The following KDELR2 variants were observed in gnomAD, a reference collection of about 807,000 sequenced individuals.
KDELR2 encodes KDEL endoplasmic reticulum protein retention receptor 2.
Under a neutral mutation model 23.9 loss-of-function variants are expected in KDELR2, and 15 were observed. That is an observed-to-expected ratio of 0.63 (90% CI 0.42 to 0.97). The LOEUF (loss-of-function observed/expected upper bound fraction) is 0.97. Ranked by LOEUF, KDELR2 falls within the 50% of genes least tolerant of loss-of-function variation. KDELR2 has a pLI of 0.00. For missense variants in KDELR2, 272 were observed against 254.6 expected, an observed-to-expected ratio of 1.07 and a Z score of -0.46; for synonymous variants, 119 against 106.2, an observed-to-expected ratio of 1.12 and a Z score of -0.74.
intron 1 of KDELR2, among the ~76,000 whole-genome samples, chr7:6,476,556 A>G (rs1387312711): frequency 6.6e-6 from 1 of 152,164 alleles, no homozygotes; most frequent in Non-Finnish European, 1.5e-5. Flanking sequence ...AAGTAGGTGA[A>G]TTTTGTGGGA....
Position 6,481,728 on chromosome 7 carries a change from T to TAAAC in KDELR2, c.91+2235_91+2238dup, listed in dbSNP as rs368614334. 8.6e-3 allele frequency among the ~76,000 whole-genome samples: 1,309 copies of TAAAC among 152,072 alleles called. 22 individuals carry two copies. The highest frequency in any genetic ancestry group is 0.022 in the African/African-American group (915 of 41,438). ...GAGTGAGACATCGGTCCCACTGTTT[T>TAAAC]AAACAAACAAACAAACAAACAAACA... On this transcript the variant is annotated intron_variant, in intron 1 of 4. Coordinates refer to ENST00000258739, the MANE Select transcript of KDELR2 (RefSeq NM_006854.4).
At chr7:6,481,082 A>C (rs559944972) in intron 1 of KDELR2, among the ~76,000 whole-genome samples, 1 of 152,238 alleles carries the variant, frequency 6.6e-6, no homozygotes, top group African/African-American at 2.4e-5. Context: ...AATAGTAAAA[A>C]ACAAACGGCC....
chr7:6,478,505 C>T (rs184457221), intron 1 of KDELR2, among the ~76,000 whole-genome samples: 121 of 152,140 alleles, frequency 8.0e-4, no homozygotes, highest in South Asian at 7.7e-3. Flanking sequence ...ATTGGTCTTT[C>T]GTTATTCTTC....
Position 6,484,099 on chromosome 7 carries a change from G to C in KDELR2, c.-42C>G, listed in dbSNP as rs1474030425. 2.2e-6 allele frequency: 3 copies of C among 1,337,808 alleles called. No individual in the cohort carries two copies. The highest frequency in any genetic ancestry group is 2.9e-6 in the Non-Finnish European group (3 of 1,035,142). 82.9% of individuals were successfully genotyped at this position (1,337,808 alleles called of 1,614,324 possible). On this transcript the variant is annotated 5_prime_UTR_variant, in exon 1 of 5. Transcript: ENST00000258739. ...GCGGTCGGCGCAGCGCGGCGGCCCC[G>C]GGGCTGGGCGGCTCAGGAGGCGGCG...
intron 1 of KDELR2, among the ~76,000 whole-genome samples, chr7:6,478,077 A>G (rs1452009634): frequency 2.0e-5 from 3 of 152,132 alleles, no homozygotes; most frequent in African/African-American, 7.2e-5. Flanking sequence ...ACGAAATGCA[A>G]AGACCCTTTC....
At chr7:6,464,999 G>C (rs770323013) in intron 4 of KDELR2, among the ~76,000 whole-genome samples, 24 of 151,888 alleles carry the variant, frequency 1.6e-4, no homozygotes, top group Non-Finnish European at 2.6e-4. Flanking sequence ...GCCTCCCAAA[G>C]TGCTGAGATT....
chr7:6,466,037 A>T (rs1554271162), intron 4 of KDELR2, 34 bp downstream of exon 4: 2 of 1,606,036 alleles, frequency 1.2e-6, no homozygotes, highest in Non-Finnish European at 1.7e-6. Flanking sequence ...AGAACACGTC[A>T]CTCTAGAAAC....
intron 1 of KDELR2, among the ~76,000 whole-genome samples, chr7:6,475,840 T>C (rs1785738487): frequency 6.6e-6 from 1 of 152,228 alleles, no homozygotes; most frequent in African/African-American, 2.4e-5. Flanking sequence ...TTTTAGTAAG[T>C]ATGAATTTAA....
At chr7:6,469,905 T>C in intron 2 of KDELR2, 151 bp from the exon 3 acceptor site, 1 of 649,098 alleles carries the variant, frequency 1.5e-6, no homozygotes, top group Non-Finnish European at 2.5e-6. Context: ...AGTAAAATTC[T>C]CTTTTTTGGA....
intron 3 of KDELR2, among the ~76,000 whole-genome samples, chr7:6,467,225 G>C (rs754176238): frequency 1.3e-5 from 2 of 152,172 alleles, no homozygotes; most frequent in Non-Finnish European, 2.9e-5. Context: ...CTTTCCGCCA[G>C]GATTGACAAT....
At chr7:6,463,367 T>C (rs1037981486) in intron 4 of KDELR2, among the ~76,000 whole-genome samples, 192 bp from the exon 5 acceptor site, 2 of 152,192 alleles carry the variant, frequency 1.3e-5, no homozygotes, top group Admixed American at 6.5e-5. Context: ...TTTTTGTTAT[T>C]ATGACTTTCA....
At position 6,462,083 on chromosome 7, in the gene KDELR2, A is replaced by G. The variant is rs915804873; in HGVS notation, c.*1058T>C. ...ACATAAGTCATGCAACAGCTCTGTA[A>G]AACAAAACAAAACAAGAAACTACGA... is the stretch of plus-strand genomic sequence containing the variant. On this transcript the variant is annotated 3_prime_UTR_variant, in exon 5 of 5. Transcript: ENST00000258739. 2.6e-5 allele frequency: 4 copies of G among 152,178 alleles called. No individual in the cohort carries two copies. Among genetic ancestry groups the G allele is most frequent in the Non-Finnish European group, 5.9e-5 (4 of 68,042 alleles). The allele number at this position is 152,178 out of a possible 1,614,324, so 9.4% of individuals were successfully genotyped here.
intron 4 of KDELR2, 146 bp downstream of exon 4, chr7:6,465,925 C>G (rs1164681581): frequency 6.1e-6 from 5 of 820,288 alleles, no homozygotes; most frequent in Non-Finnish European, 9.6e-6. Flanking sequence ...AAGACAACAT[C>G]CTGATCCAGA....
intron 1 of KDELR2, among the ~76,000 whole-genome samples, chr7:6,479,123 T>C (rs1268311814): frequency 6.6e-6 from 1 of 151,948 alleles, no homozygotes; most frequent in Non-Finnish European, 1.5e-5. Flanking sequence ...TTCAACTACA[T>C]TGCAGCTTTC....
chr7:6,483,949 C>A lies in KDELR2; in HGVS notation c.91+18G>T, dbSNP rs1231992594. The A allele has an allele frequency of 2.7e-6, 4 of 1,495,276 alleles. No homozygotes were observed. The highest frequency in any genetic ancestry group is 3.6e-6 in the Non-Finnish European group (4 of 1,117,962). The allele number at this position is 1,495,276 out of a possible 1,614,324, so 92.6% of individuals were successfully genotyped here. A position where few individuals can be genotyped will look rare whatever the true frequency, so the allele number is the denominator to read the frequency against. On this transcript the variant is annotated intron_variant, in intron 1 of 4. Transcript: ENST00000258739. The stretch of plus-strand genomic sequence containing the variant: ...GCCCCCACGCCCGAGCCTCTCCGGG[C>A]CTTCCCCCGCCGCTCACCGGCGCAG...
chr7:6,479,617 C>T (rs1279708255), intron 1 of KDELR2, among the ~76,000 whole-genome samples: 1 of 152,180 alleles, frequency 6.6e-6, no homozygotes, highest in Non-Finnish European at 1.5e-5. Context: ...GCTGGGACTA[C>T]AGCCGCCCGC....
At position 6,469,661 on chromosome 7, in the gene KDELR2, C is replaced by G. The variant is rs764408481; in HGVS notation, c.286G>C (p.Glu96Gln). ...YDGNHDTFRV[E>Q]FLVVPVGGLS... ...CCTCCCACAGGGACCACCAGAAACT[C>G]CACTCGGAAGGTATCATGATTTCCA... The change falls in exon 3 of 5, where the codon GAG becomes CAG. Residue 96 changes from glutamate (E) to glutamine (Q), a missense_variant. Glu to Gln is a conservative substitution (Grantham distance 29). Transcript: ENST00000258739. The G allele has an allele frequency of 1.2e-6, 2 of 1,614,082 alleles. No homozygotes were observed. The highest frequency in any genetic ancestry group is 3.3e-5 in the Admixed American group (2 of 60,006).
intron 1 of KDELR2, among the ~76,000 whole-genome samples, chr7:6,481,544 T>C (rs1245765316): frequency 6.6e-6 from 1 of 151,780 alleles, no homozygotes; most frequent in South Asian, 2.1e-4. Context: ...CACAAAGATT[T>C]TGAAGCAAAA....
At chr7:6,470,863 C>T (rs1259523850) in intron 2 of KDELR2, among the ~76,000 whole-genome samples, 6 of 152,078 alleles carry the variant, frequency 3.9e-5, no homozygotes, top group African/African-American at 1.4e-4. Flanking sequence ...GCCTGTAATC[C>T]TAGCACTCTG....
Sources: allele counts gnomAD v4.1 joint callset (sites outside exome capture counted in the v4.1 genomes callset), GRCh38; gene constraint gnomAD v4.1.1; transcripts MANE v1.5; gene names NCBI Gene and HGNC (gene_info 2026-07-23, HGNC 2026-07-21).